DZIP1: variants seen among roughly 807,000 people sequenced by gnomAD.
DZIP1 encodes the protein DAZ interacting zinc finger protein 1.
DZIP1 carries 97 observed loss-of-function variants against 107.6 expected under a neutral mutation model. That is an observed-to-expected ratio of 0.90 (90% CI 0.77 to 1.07). DZIP1 has a LOEUF of 1.07. Among genes scored for constraint, DZIP1 ranks in the 50% least tolerant of loss-of-function variants. The probability of loss-of-function intolerance (pLI) is 0.00; values close to 1 mark genes in which losing one functional copy is unlikely to be tolerated. For missense variants in DZIP1, 1,035 were observed against 1,063.6 expected, an observed-to-expected ratio of 0.97 and a Z score of 0.37; for synonymous variants, 390 against 386.4, an observed-to-expected ratio of 1.01 and a Z score of -0.11.
At chr13:95,625,436 C>A (rs550683292) in intron 7 of DZIP1, among the ~76,000 whole-genome samples, 1 of 152,292 alleles carries the variant, frequency 6.6e-6, no homozygotes, top group African/African-American at 2.4e-5. Flanking sequence ...TATATGCCAA[C>A]TAGCCCTAAC....
chr13:95,588,826 G>A (rs904340348), intron 19 of DZIP1, among the ~76,000 whole-genome samples: 7 of 152,158 alleles, frequency 4.6e-5, no homozygotes, highest in African/African-American at 1.7e-4. Context: ...ACTGTCATGA[G>A]CCTAGCCATA....
intron 13 of DZIP1, 119 bp downstream of exon 13, chr13:95,609,338 T>C: frequency 1.8e-6 from 1 of 548,810 alleles, no homozygotes; most frequent in Non-Finnish European, 2.9e-6. Context: ...AATCATTATG[T>C]GATCTCTAAA....
chr13:95,643,999 G>C (rs900673432), intron 1 of DZIP1, among the ~76,000 whole-genome samples: 9 of 152,126 alleles, frequency 5.9e-5, no homozygotes, highest in African/African-American at 1.7e-4. Flanking sequence ...TCGTGCCGCT[G>C]ACCACCCCTT....
chr13:95,621,665 AGTGTGTGTGTGT>A lies in DZIP1; in HGVS notation c.1110+666_1110+677del, dbSNP rs3051402. On this transcript the variant is annotated intron_variant, in intron 9 of 22. Coordinates refer to ENST00000376829, the MANE Select transcript of DZIP1 (RefSeq NM_198968.4). The stretch of plus-strand genomic sequence containing the variant: ...ACAGATCATCAGCTGACCAGTTAGC[AGTGTGTGTGTGT>A]GTGTGTGTGTGTGTGTGTGTGTGTG... Among the ~76,000 whole-genome samples, 749 of 123,410 alleles carry A rather than the reference AGTGTGTGTGTGT, an allele frequency of 6.1e-3. 5 individuals are homozygous for A. Among genetic ancestry groups the A allele is most frequent in the Admixed American group, 0.025 (309 of 12,124 alleles). The allele number at this position is 123,410 out of a possible 152,430, so 81.0% of individuals were successfully genotyped here. A position where few individuals can be genotyped will look rare whatever the true frequency, so the allele number is the denominator to read the frequency against.
rs184145452 is a variant in DZIP1 at position 95,622,894 on chromosome 13, C to T, written c.973-414G>A. On this transcript the variant is annotated intron_variant, in intron 8 of 22. Coordinates refer to ENST00000376829, the MANE Select transcript of DZIP1 (RefSeq NM_198968.4). ...GGTAGCTGGGACTACAGGCGTGCAC[C>T]ACCACACCCAGATAATTTTTGTATT... Among the ~76,000 whole-genome samples, 12 of 152,072 alleles carry T rather than the reference C, an allele frequency of 7.9e-5. No homozygotes were observed. The East Asian group carries it at 2.1e-3, about 27-fold the overall frequency.
Position 95,584,889 on chromosome 13 carries a change from C to T in DZIP1, c.2371G>A (p.Asp791Asn). The change falls in exon 22 of 23, where the codon GAC (aspartate) becomes AAC (asparagine). Residue 791 changes from aspartate to asparagine, a missense_variant. By Grantham distance (23) the Asp-to-Asn change is conservative (BLOSUM62 1). Coordinates refer to ENST00000376829, the MANE Select transcript of DZIP1 (RefSeq NM_198968.4). ...ELKCADVEDE[D>N]WDISSLEEEI... Reference sequence around the variant, plus strand: ...TCCTCTAGGGATGATATGTCCCAGTCTTCATCCTCCACATCCGCACACTAA... The same window carrying T: ...TCCTCTAGGGATGATATGTCCCAGTTTTCATCCTCCACATCCGCACACTAA... 6.2e-7 allele frequency: 1 copy of T among 1,613,800 alleles called. No individual in the cohort carries two copies. Among genetic ancestry groups the T allele is most frequent in the Non-Finnish European group, 8.5e-7 (1 of 1,179,870 alleles).
At chr13:95,614,922 C>T (rs918199990) in intron 10 of DZIP1, among the ~76,000 whole-genome samples, 4 of 152,096 alleles carry the variant, frequency 2.6e-5, no homozygotes, top group African/African-American at 7.2e-5. Flanking sequence ...ACAATATGTG[C>T]ATTGTGGGAA....
chr13:95,639,606 AAGAG>A (rs1241878952), intron 5 of DZIP1, among the ~76,000 whole-genome samples: 5 of 149,130 alleles, frequency 3.4e-5, no homozygotes, highest in Admixed American at 6.6e-5. Context: ...AAAAAAAAAA[AAGAG>A]AGAGAGAGAG....
At chr13:95,629,920 G>C in intron 7 of DZIP1, 69 bp downstream of exon 7, 1 of 1,478,120 alleles carries the variant, frequency 6.8e-7, no homozygotes, top group Non-Finnish European at 9.0e-7. Context: ...CTGTTTATTA[G>C]AGTCCATGGC....
intron 7 of DZIP1, among the ~76,000 whole-genome samples, chr13:95,628,816 T>TG (rs1350301305): frequency 6.6e-6 from 1 of 152,162 alleles, no homozygotes; most frequent in Non-Finnish European, 1.5e-5. Context: ...TCCATTCATA[T>TG]GAGGTATCTA....
At chr13:95,607,043 TTTTA>T (rs548220188) in intron 13 of DZIP1, among the ~76,000 whole-genome samples, 31 of 72,686 alleles carry the variant, frequency 4.3e-4, no homozygotes, top group African/African-American at 1.6e-3. Context: ...TCAGCTACTT[TTTTA>T]TTTTATTTTT....
At chr13:95,616,799 C>T (rs889186323) in intron 10 of DZIP1, among the ~76,000 whole-genome samples, 4 of 151,976 alleles carry the variant, frequency 2.6e-5, no homozygotes, top group Non-Finnish European at 1.5e-5. Context: ...CCACAGAATA[C>T]GGCAAAGGTG....
At chr13:95,591,713 T>C (rs1221270372) in intron 16 of DZIP1, among the ~76,000 whole-genome samples, 1 of 152,256 alleles carries the variant, frequency 6.6e-6, no homozygotes, top group Admixed American at 6.5e-5. Flanking sequence ...GTTTCATGCC[T>C]GTCTTCCTAT....
chr13:95,616,069 GTGTAA>G (rs1306616815), intron 10 of DZIP1, among the ~76,000 whole-genome samples: 2 of 152,186 alleles, frequency 1.3e-5, no homozygotes, highest in African/African-American at 4.8e-5. Flanking sequence ...TTTTGCTTCA[GTGTAA>G]TGTAGGGGGA....
intron 14 of DZIP1, among the ~76,000 whole-genome samples, chr13:95,604,242 T>C (rs1260186482): frequency 6.6e-6 from 1 of 152,238 alleles, no homozygotes; most frequent in Non-Finnish European, 1.5e-5. Flanking sequence ...AGATTTTTCA[T>C]GGTAAAGAAC....
At chr13:95,637,968 CA>C (rs1566434799) in intron 5 of DZIP1, among the ~76,000 whole-genome samples, 1 of 151,610 alleles carries the variant, frequency 6.6e-6, no homozygotes, top group African/African-American at 2.4e-5. Context: ...AGGATATAGT[CA>C]AACAGATTTT....
At chr13:95,635,117 C>T (rs1877635404) in intron 5 of DZIP1, among the ~76,000 whole-genome samples, 2 of 152,024 alleles carry the variant, frequency 1.3e-5, no homozygotes, top group Admixed American at 1.3e-4. Flanking sequence ...CTTTTGTTCA[C>T]CATGCTGCCT....
chr13:95,641,697 C>T lies in DZIP1; in HGVS notation c.195G>A (p.Glu65=), dbSNP rs1421385835. The change falls in exon 5 of 23, where the codon GAG becomes GAA. Residue 65 remains glutamate, a synonymous_variant. Transcript: ENST00000376829. The surrounding 1 kb of genome is among the most constrained non-coding windows in gnomAD (Gnocchi z 4.3). ...LPFFQFRPRL[E]SVDWRRLSAI... ...CGCTCAGCCGCCGCCAGTCCACACT[C>T]TCCAGCCGCGGCCTGAACTGGAAGA... 2 of 1,603,414 alleles carry T rather than the reference C, an allele frequency of 1.2e-6. No homozygotes were observed. Among genetic ancestry groups the T allele is most frequent in the Non-Finnish European group, 8.5e-7 (1 of 1,179,602 alleles).
chr13:95,612,842 C>T (rs1431298752), intron 10 of DZIP1, among the ~76,000 whole-genome samples: 1 of 152,158 alleles, frequency 6.6e-6, no homozygotes, highest in Non-Finnish European at 1.5e-5. Context: ...GCCTTGGCCT[C>T]TCAAAGTGTT....
Sources: gnomAD v4.1 joint callset for allele counts (sites outside exome capture counted in the v4.1 genomes callset) on GRCh38, gnomAD v4.1.1 for gene constraint, Gnocchi (gnomAD v3.1) non-coding constraint, MANE v1.5 for transcripts, NCBI Gene and HGNC (gene_info 2026-07-23, HGNC 2026-07-21) for gene names.